PPFIBP2: variants seen among roughly 807,000 people sequenced by gnomAD.
PPFIBP2 encodes the protein liprin-beta-2.
In PPFIBP2, 118 loss-of-function variants were observed where a neutral mutation model predicts 118.3. The ratio of observed to expected loss-of-function variants is 1.00; its 90% confidence interval spans 0.86 to 1.16. PPFIBP2 has a LOEUF of 1.16. PPFIBP2 is among the 50% of genes most tolerant of loss of function. The pLI is 0.00. For synonymous variants in PPFIBP2, 414 were observed against 397.4 expected, an observed-to-expected ratio of 1.04 and a Z score of -0.50; for missense variants, 1,195 against 1,073.1, an observed-to-expected ratio of 1.11 and a Z score of -1.59.
At chr11:7,549,634 G>GA in intron 2 of PPFIBP2, 95 bp downstream of exon 2, 12 of 1,182,686 alleles carry the variant, frequency 1.0e-5, no homozygotes, top group Non-Finnish European at 1.3e-5. Flanking sequence ...TTGGCATAGA[G>GA]AAAATCCCCT....
Position 7,650,886 on chromosome 11 carries a change from T to G in PPFIBP2, c.2168T>G (p.Val723Gly), listed in dbSNP as rs1853892248. The G allele has an allele frequency of 6.2e-7, 1 of 1,613,952 alleles. No individual in the cohort carries two copies. Among genetic ancestry groups the G allele is most frequent in the East Asian group, 2.2e-5 (1 of 44,868 alleles). The change falls in exon 22 of 24, where the codon GTG (valine) becomes GGG (glycine). Residue 723 changes from valine to glycine, a missense_variant. Coordinates refer to ENST00000299492, the MANE Select transcript of PPFIBP2 (RefSeq NM_003621.5). ...GTTGTACAGTGGTCCAACCACAGGGTGATGGAGTGGTTACGATCTGTGGAC... is the reference window on the plus strand; with the variant it reads ...GTTGTACAGTGGTCCAACCACAGGGGGATGGAGTGGTTACGATCTGTGGAC... ...SEVVQWSNHR[V>G]MEWLRSVDLA...
At chr11:7,590,266 A>G (rs983387394) in intron 3 of PPFIBP2, among the ~76,000 whole-genome samples, 3 of 152,230 alleles carry the variant, frequency 2.0e-5, no homozygotes, top group East Asian at 3.8e-4. Flanking sequence ...TATATAGATC[A>G]TGAAAACACA....
intron 2 of PPFIBP2, among the ~76,000 whole-genome samples, chr11:7,562,910 A>G (rs1854453050): frequency 7.0e-6 from 1 of 143,698 alleles, no homozygotes; most frequent in Admixed American, 7.4e-5. Flanking sequence ...TAAGTTTCAA[A>G]GAAATAGAAA....
intron 3 of PPFIBP2, among the ~76,000 whole-genome samples, chr11:7,574,777 C>T (rs1856080374): frequency 6.6e-6 from 1 of 152,120 alleles, no homozygotes; most frequent in South Asian, 2.1e-4. Context: ...TTTCACTCAG[C>T]CCTTCCCCTT....
rs192449817 is a variant in PPFIBP2 at position 7,592,073 on chromosome 11, G to A, written c.280-1059G>A. Among the ~76,000 whole-genome samples the A allele has an allele frequency of 2.4e-3, 366 of 152,298 alleles. 4 individuals carry two copies. Among genetic ancestry groups the A allele is most frequent in the African/African-American group, 8.4e-3 (351 of 41,560 alleles). ...CTCTAGGGTGGTAGACACCTCCCTCGTGAATATTGAAGTGCTGATTTCACT... is the reference window on the plus strand; with the variant it reads ...CTCTAGGGTGGTAGACACCTCCCTCATGAATATTGAAGTGCTGATTTCACT... On this transcript the variant is annotated intron_variant, in intron 3 of 23. Coordinates refer to ENST00000299492, the MANE Select transcript of PPFIBP2 (RefSeq NM_003621.5).
Position 7,651,140 on chromosome 11 carries a change from A to G in PPFIBP2, c.2247+175A>G, listed in dbSNP as rs1414914917. 4.7e-6 allele frequency: 3 copies of G among 632,168 alleles called. No homozygotes were observed. In the African/African-American group the frequency reaches 5.5e-5, roughly 12 times the overall value. 39.2% of individuals were successfully genotyped at this position (632,168 alleles called of 1,614,324 possible). On this transcript the variant is annotated intron_variant, in intron 22 of 23. Coordinates refer to ENST00000299492, the MANE Select transcript of PPFIBP2 (RefSeq NM_003621.5). The stretch of plus-strand genomic sequence containing the variant: ...ATAACTTGTCCTTGAGAATTAATAT[A>G]CCTCATGGAAGCAAGATGCCTTCTG...
intron 1 of PPFIBP2, among the ~76,000 whole-genome samples, chr11:7,523,137 G>T (rs2134270909): frequency 6.6e-6 from 1 of 152,274 alleles, no homozygotes; most frequent in Admixed American, 6.5e-5. Context: ...GATGAGGAGT[G>T]AGGATCTTAT....
intron 5 of PPFIBP2, among the ~76,000 whole-genome samples, chr11:7,603,769 G>C (rs1846967180): frequency 6.6e-6 from 1 of 152,028 alleles, no homozygotes; most frequent in Non-Finnish European, 1.5e-5. Flanking sequence ...TTCTGAAAAG[G>C]TTAGTGGCAG....
At chr11:7,514,570 G>A (rs1043117857) in intron 1 of PPFIBP2, among the ~76,000 whole-genome samples, 7 of 152,244 alleles carry the variant, frequency 4.6e-5, no homozygotes, top group Non-Finnish European at 8.8e-5. Context: ...TGGACACAGC[G>A]TGTGTCTAGA....
rs936242204 is a variant in PPFIBP2, at chr11:7,653,426, G to A, written c.*208G>A. The A allele has an allele frequency of 2.7e-6, 4 of 1,498,780 alleles. No homozygotes were observed. In the South Asian group the frequency reaches 5.2e-5, roughly 19 times the overall value. The allele number at this position is 1,498,780 out of a possible 1,614,324, so 92.8% of individuals were successfully genotyped here. A position where few individuals can be genotyped will look rare whatever the true frequency, so the allele number is the denominator to read the frequency against. The stretch of plus-strand genomic sequence containing the variant: ...AAGGGGCCAGGCTTTGGGGACCATT[G>A]CCAAAGGTGGACTCAGGAGGAAAGA... On this transcript the variant is annotated 3_prime_UTR_variant, in exon 24 of 24. Coordinates refer to ENST00000299492, the MANE Select transcript of PPFIBP2 (RefSeq NM_003621.5).
At chr11:7,522,820 G>A (rs1214551862) in intron 1 of PPFIBP2, among the ~76,000 whole-genome samples, 4 of 152,238 alleles carry the variant, frequency 2.6e-5, no homozygotes, top group East Asian at 1.9e-4. Context: ...GGGTATCAGC[G>A]CTCTTATACT....
chr11:7,640,802 A>G (rs1852073640), intron 15 of PPFIBP2, among the ~76,000 whole-genome samples: 1 of 152,148 alleles, frequency 6.6e-6, no homozygotes, highest in Admixed American at 6.5e-5. Flanking sequence ...TCAGCCTGTC[A>G]CAAAGGGGCC....
In PPFIBP2 at chr11:7,653,585, A is replaced by G. The variant is rs561850019; in HGVS notation, c.*367A>G. On this transcript the variant is annotated 3_prime_UTR_variant, in exon 24 of 24. Transcript: ENST00000299492. Reference sequence around the variant, plus strand: ...GGCTCAGCTCTCAGGCACCCCCTACACTTCAGTTGAGGGAAAAGCTCAAGT... The same window carrying G: ...GGCTCAGCTCTCAGGCACCCCCTACGCTTCAGTTGAGGGAAAAGCTCAAGT... 2.3e-6 allele frequency: 3 copies of G among 1,302,358 alleles called. No homozygotes were observed. In the African/African-American group the frequency reaches 4.5e-5, roughly 20 times the overall value. The allele number at this position is 1,302,358 out of a possible 1,614,324, so 80.7% of individuals were successfully genotyped here.
intron 15 of PPFIBP2, among the ~76,000 whole-genome samples, 178 bp downstream of exon 15, chr11:7,640,048 G>A (rs1300639713): frequency 6.6e-6 from 1 of 152,142 alleles, no homozygotes; most frequent in Non-Finnish European, 1.5e-5. Context: ...CCCTGGGCGA[G>A]CTGTTTTCTA....
In PPFIBP2 at chr11:7,597,330, C is replaced by T. The variant is rs150661632; in HGVS notation, c.373-230C>T. On this transcript the variant is annotated intron_variant, in intron 4 of 23. Transcript: ENST00000299492. ...TCTTGAGTCTATCAAGAGCAGTAAA[C>T]GTGACCCATGTCATCAGAGCAGTGG... 2.3e-3 allele frequency: 3,484 copies of T among 1,535,680 alleles called. 4 individuals are homozygous for T. The highest frequency in any genetic ancestry group is 2.8e-3 in the Non-Finnish European group (3,268 of 1,146,900).
chr11:7,665,512 G>A, the PPFIBP2 span: 6 of 1,613,038 alleles, frequency 3.7e-6, no homozygotes, highest in South Asian at 4.4e-5. Context: ...CCTTGATCAT[G>A]TCGGCAGTAA....
chr11:7,605,866 A>T (rs74448370), intron 5 of PPFIBP2: 149,991 of 1,462,536 alleles, frequency 0.1, 8,800 homozygotes, highest in Non-Finnish European at 0.12. Flanking sequence ...GTGAGATCCA[A>T]GTGGTGACTG....
the PPFIBP2 span, among the ~76,000 whole-genome samples, chr11:7,663,863 TA>T: frequency 6.6e-6 from 1 of 152,232 alleles, no homozygotes; most frequent in African/African-American, 2.4e-5. Flanking sequence ...CGCCGTTTTT[TA>T]AGCCCGTCGG....
chr11:7,614,656 A>G (rs1236619124), intron 6 of PPFIBP2, among the ~76,000 whole-genome samples: 2 of 152,234 alleles, frequency 1.3e-5, no homozygotes, highest in Non-Finnish European at 2.9e-5. Flanking sequence ...TTTGACAGAT[A>G]TTTCCAAATT....
Sources: allele counts gnomAD v4.1 joint callset (sites outside exome capture counted in the v4.1 genomes callset), GRCh38; gene constraint gnomAD v4.1.1; transcripts MANE v1.5; gene names NCBI Gene and HGNC (gene_info 2026-07-23, HGNC 2026-07-21).